ZFAND3: variants seen among roughly 807,000 people sequenced by gnomAD.
ZFAND3 encodes AN1-type zinc finger protein 3.
A neutral mutation model predicts 29.6 loss-of-function variants in ZFAND3; 10 were observed. That is an observed-to-expected ratio of 0.34 (90% confidence interval 0.21 to 0.57). The LOEUF is 0.57. ZFAND3 is among the 20% of genes least tolerant of loss of function. The pLI, the probability that ZFAND3 is intolerant of heterozygous loss-of-function variation, is 0.86. For synonymous variants in ZFAND3, 128 were observed against 112.6 expected (o/e 1.14, Z -0.87); for missense variants, 230 against 304.5 (o/e 0.76, Z 1.82).
At chr6:38,081,782 G>C (rs1485300423) in intron 3 of ZFAND3, among the ~76,000 whole-genome samples, 1 of 151,816 alleles carries the variant, frequency 6.6e-6, no homozygotes, top group Non-Finnish European at 1.5e-5. Context: ...TTATGCATCA[G>C]ATCTCTGGGC....
At chr6:37,859,810 GT>G (rs199534339) in intron 1 of ZFAND3, among the ~76,000 whole-genome samples, 71 of 143,082 alleles carry the variant, frequency 5.0e-4, no homozygotes, top group African/African-American at 7.1e-4. Context: ...TTTAAAAAGG[GT>G]TTTTTTTTTT....
intron 2 of ZFAND3, among the ~76,000 whole-genome samples, chr6:37,951,924 C>T (rs182266388): frequency 6.6e-6 from 1 of 152,232 alleles, no homozygotes; most frequent in African/African-American, 2.4e-5. Flanking sequence ...TTATCAAAAG[C>T]CTTTTGAGAC....
intron 2 of ZFAND3, among the ~76,000 whole-genome samples, chr6:38,045,054 T>TTTTA (rs3047087): frequency 0.29 from 39,534 of 134,526 alleles, 6,269 homozygotes; most frequent in Non-Finnish European, 0.33. Flanking sequence ...GTGGAAATTC[T>TTTTA]TTTATTTATT....
At chr6:38,084,980 T>C (rs1055751875) in intron 4 of ZFAND3, among the ~76,000 whole-genome samples, 3 of 152,230 alleles carry the variant, frequency 2.0e-5, no homozygotes, top group Admixed American at 6.5e-5. Context: ...CAGAGCTTCC[T>C]GATTTTGAGA....
intron 2 of ZFAND3, among the ~76,000 whole-genome samples, chr6:37,958,131 A>C (rs1406009203): frequency 6.6e-6 from 1 of 152,166 alleles, no homozygotes; most frequent in Admixed American, 6.5e-5. Context: ...AGATCTGTAA[A>C]TTTTCAGTAC....
intron 1 of ZFAND3, among the ~76,000 whole-genome samples, chr6:37,840,446 T>G (rs978178930): frequency 6.6e-6 from 1 of 152,264 alleles, no homozygotes; most frequent in Non-Finnish European, 1.5e-5. Context: ...CACACTGTCT[T>G]GAGTACTTCC....
intron 2 of ZFAND3, among the ~76,000 whole-genome samples, chr6:37,935,767 T>C (rs966025991): frequency 6.6e-6 from 1 of 152,226 alleles, no homozygotes; most frequent in Admixed American, 6.5e-5. Flanking sequence ...TAATTTGCTT[T>C]GTAAAATAGG....
Position 38,144,218 on chromosome 6 carries a change from A to ATTTT in ZFAND3, c.530-8017_530-8016insTTTT, listed in dbSNP as rs1554183997. Among the ~76,000 whole-genome samples, 4 of 31,448 alleles carry ATTTT rather than the reference A, an allele frequency of 1.3e-4. No homozygotes were observed. The East Asian group carries it at 1.6e-3, about 12-fold the overall frequency. The allele number at this position is 31,448 out of a possible 152,430, so 20.6% of individuals were successfully genotyped here. ...ATATATATATATATATATAATATAT[A>ATTTT]ATATATATATATATTTTTTTTTTAA... On this transcript the variant is annotated intron_variant, in intron 5 of 5. Coordinates refer to ENST00000287218, the MANE Select transcript of ZFAND3 (RefSeq NM_021943.3).
At chr6:37,975,475 A>G (rs558815723) in intron 2 of ZFAND3, among the ~76,000 whole-genome samples, 57 of 152,134 alleles carry the variant, frequency 3.7e-4, no homozygotes, top group African/African-American at 1.3e-3. Context: ...AATGAAGTTC[A>G]GTTTATCCAT....
At chr6:38,068,400 G>A (rs1011623116) in intron 3 of ZFAND3, among the ~76,000 whole-genome samples, 42 of 152,302 alleles carry the variant, frequency 2.8e-4, no homozygotes, top group African/African-American at 9.6e-4. Context: ...CTGCTTCTGT[G>A]CTACAATAGC....
At position 37,981,793 on chromosome 6, in the gene ZFAND3, G is replaced by A. The variant is rs1762584546; in HGVS notation, c.112+51794G>A. On this transcript the variant is annotated intron_variant, in intron 2 of 5. Transcript: ENST00000287218. Reference sequence around the variant, plus strand: ...AGGAAGTTTATTTTGCCAGGGTTAAGGATGCACCTGTTACAAAGCCTTGGA... The same window carrying A: ...AGGAAGTTTATTTTGCCAGGGTTAAAGATGCACCTGTTACAAAGCCTTGGA... 3.9e-5 allele frequency among the ~76,000 whole-genome samples: 6 copies of A among 152,056 alleles called. No individual in the cohort carries two copies. In the South Asian group the frequency reaches 1.0e-3, roughly 26 times the overall value.
In ZFAND3 at chr6:38,135,466, C is replaced by A. The variant is rs570038290; in HGVS notation, c.530-16769C>A. On this transcript the variant is annotated intron_variant, in intron 5 of 5. Transcript: ENST00000287218. The stretch of plus-strand genomic sequence containing the variant: ...CAGTTAAGAAATGAACACGTGAGGC[C>A]GGCCGTGGTGGCTCACGCCTGTAAT... Among the ~76,000 whole-genome samples the A allele has an allele frequency of 2.0e-5, 3 of 152,278 alleles. No homozygotes were observed. In the East Asian group the frequency reaches 5.8e-4, roughly 29 times the overall value.
intron 4 of ZFAND3, 60 bp from the exon 5 acceptor site, chr6:38,116,512 T>A (rs1318141379): frequency 5.8e-6 from 9 of 1,538,676 alleles, no homozygotes; most frequent in Non-Finnish European, 7.9e-6. Context: ...AATACATTAA[T>A]CAACTGTGCT....
chr6:37,977,724 C>T (rs1762504358), intron 2 of ZFAND3, among the ~76,000 whole-genome samples: 1 of 149,876 alleles, frequency 6.7e-6, no homozygotes, highest in Admixed American at 6.7e-5. Flanking sequence ...TTCACAGATG[C>T]TCTTGATTAG....
chr6:37,971,814 C>T (rs1762391648), intron 2 of ZFAND3, among the ~76,000 whole-genome samples: 1 of 142,742 alleles, frequency 7.0e-6, no homozygotes, highest in Non-Finnish European at 1.5e-5. Flanking sequence ...AATAGTGAGA[C>T]CCCATCTGTA....
chr6:37,981,860 A>G (rs182934206), intron 2 of ZFAND3, among the ~76,000 whole-genome samples: 87 of 152,256 alleles, frequency 5.7e-4, no homozygotes, highest in African/African-American at 1.9e-3. Flanking sequence ...GGGCACACAC[A>G]GCTTGGTTTT....
At chr6:38,061,814 C>T in intron 3 of ZFAND3, 39 bp downstream of exon 3, 1 of 1,601,240 alleles carries the variant, frequency 6.2e-7, no homozygotes, top group East Asian at 2.2e-5. Context: ...GAGAGAGCAG[C>T]TTAAGAACTT....
At chr6:37,961,106 C>A (rs1050029738) in intron 2 of ZFAND3, among the ~76,000 whole-genome samples, 3 of 152,148 alleles carry the variant, frequency 2.0e-5, no homozygotes, top group African/African-American at 7.2e-5. Context: ...CTCTTAGGAT[C>A]TCTGATTCCA....
At chr6:37,881,150 C>G (rs999210901) in intron 1 of ZFAND3, among the ~76,000 whole-genome samples, 14 of 152,102 alleles carry the variant, frequency 9.2e-5, no homozygotes, top group Admixed American at 8.5e-4. Context: ...ATACTTACTG[C>G]AGCCTCCACC....
Sources: allele counts gnomAD v4.1 joint callset (sites outside exome capture counted in the v4.1 genomes callset), GRCh38; gene constraint gnomAD v4.1.1; transcripts MANE v1.5; gene names NCBI Gene and HGNC (gene_info 2026-07-23, HGNC 2026-07-21).